The following CPS1 variants were observed in gnomAD, a reference collection of about 807,000 sequenced individuals.
The protein encoded by CPS1 is carbamoyl-phosphate synthase [ammonia], mitochondrial.
A neutral mutation model predicts 174.6 loss-of-function variants in CPS1; 109 were observed. That is an observed-to-expected ratio of 0.62 (90% CI 0.53 to 0.73). CPS1 has a LOEUF of 0.73. Among genes scored for constraint, CPS1 ranks in the 30% least tolerant of loss-of-function variants. The pLI is 0.00. For synonymous variants in CPS1, 637 were observed against 632.0 expected (o/e 1.01, Z -0.12); for missense variants, 1,689 against 1,821.9 (o/e 0.93, Z 1.33).
chr2:210,576,370 T>C lies in CPS1; in HGVS notation c.261T>C (p.Pro87=). ...LGGYPEAITD[P]AYKGQILTMA... ...GGTACCCAGAAGCTATTACTGACCC[T>C]GCCTACAAAGGACAGATTCTCACAA... The change falls in exon 3 of 38, where the codon CCT becomes CCC. Residue 87 remains proline, a synonymous_variant. Transcript: ENST00000233072. 6 of 1,613,724 alleles carry C rather than the reference T, an allele frequency of 3.7e-6. No individual in the cohort carries two copies. The highest frequency in any genetic ancestry group is 5.1e-6 in the Non-Finnish European group (6 of 1,179,696).
chr2:210,594,741 T>C, intron 12 of CPS1, 135 bp downstream of exon 12: 1 of 686,700 alleles, frequency 1.5e-6, no homozygotes, highest in Admixed American at 2.3e-5. Flanking sequence ...TAGACTGTCA[T>C]TTTGTAACTA....
rs767885257 is a variant in CPS1, at chr2:210,640,008, A to G, written c.2908A>G (p.Asn970Asp). The G allele has an allele frequency of 1.6e-5, 26 of 1,610,890 alleles. No individual in the cohort carries two copies. In the South Asian group the frequency reaches 2.9e-4, roughly 18 times the overall value. The change falls in exon 24 of 38, where the codon AAT becomes GAT. Residue 970 changes from asparagine to aspartate, a missense_variant. Asn to Asp is a conservative substitution (Grantham distance 23). Coordinates refer to ENST00000233072, the MANE Select transcript of CPS1 (RefSeq NM_001875.5). ...CTTATTTCCTCAGGAGCATGATGTC[A>G]ATTTTGATGACCATGGAATGATGGT... ...VTYNGQEHDV[N>D]FDDHGMMVLG...
chr2:210,560,149 A>T (rs910686181), intron 1 of CPS1, among the ~76,000 whole-genome samples: 4 of 152,112 alleles, frequency 2.6e-5, no homozygotes, highest in African/African-American at 9.7e-5. Flanking sequence ...AAATGAAGCA[A>T]ATAATCTTTT....
intron 8 of CPS1, among the ~76,000 whole-genome samples, chr2:210,590,478 G>A (rs1698256794): frequency 6.6e-6 from 1 of 151,914 alleles, no homozygotes; most frequent in Non-Finnish European, 1.5e-5. Flanking sequence ...TAAAAGAACT[G>A]GAGTCCAATG....
intron 5 of CPS1, among the ~76,000 whole-genome samples, chr2:210,582,276 T>G (rs1485119435): frequency 6.6e-6 from 1 of 152,140 alleles, no homozygotes; most frequent in Non-Finnish European, 1.5e-5. Flanking sequence ...TGAAATGTCT[T>G]TAGGTCATAT....
chr2:210,554,082 C>CAT (rs202041110), upstream of CPS1, among the ~76,000 whole-genome samples: 928 of 145,782 alleles, frequency 6.4e-3, 9 homozygotes, highest in African/African-American at 0.022. Context: ...TATATACATA[C>CAT]ATATGTATAT....
intron 1 of CPS1, among the ~76,000 whole-genome samples, chr2:210,532,627 T>C (rs1696145491): frequency 6.6e-6 from 1 of 152,198 alleles, no homozygotes; most frequent in East Asian, 1.9e-4. Flanking sequence ...TGTAGTGGTA[T>C]ATGTCCCAAT....
intron 21 of CPS1, chr2:210,618,280 A>G (rs1218147732): frequency 1.3e-5 from 2 of 152,042 alleles, no homozygotes; most frequent in African/African-American, 4.8e-5. Context: ...GTAAATAGGG[A>G]TATTTTCTAT....
intron 1 of CPS1, among the ~76,000 whole-genome samples, chr2:210,521,541 A>G (rs1340551244): frequency 2.0e-5 from 3 of 151,776 alleles, no homozygotes; most frequent in African/African-American, 7.3e-5. Flanking sequence ...TTCATGTTTC[A>G]TTTTACAGAG....
intron 1 of CPS1, among the ~76,000 whole-genome samples, chr2:210,522,587 A>G (rs1282508173): frequency 6.6e-6 from 1 of 151,974 alleles, no homozygotes; most frequent in Non-Finnish European, 1.5e-5. Context: ...GCTTCTGTCA[A>G]CCAGATGGTG....
intron 1 of CPS1, among the ~76,000 whole-genome samples, chr2:210,551,340 A>G (rs996713628): frequency 6.6e-6 from 1 of 151,998 alleles, no homozygotes; most frequent in African/African-American, 2.4e-5. Context: ...TACATTGGCA[A>G]TAACTCATTT....
chr2:210,578,209 A>C (rs918662332), intron 4 of CPS1, among the ~76,000 whole-genome samples: 2 of 152,004 alleles, frequency 1.3e-5, no homozygotes, highest in African/African-American at 2.4e-5. Flanking sequence ...CCAGGGTTCA[A>C]GCTATTCACC....
intron 21 of CPS1, 22 bp downstream of exon 21, chr2:210,616,563 T>C: frequency 7.2e-7 from 1 of 1,396,662 alleles, no homozygotes; most frequent in Non-Finnish European, 1.0e-6. Context: ...CTGCTCTCAT[T>C]CATGCCAGAC....
At chr2:210,632,983 G>A (rs1054056409) in intron 21 of CPS1, among the ~76,000 whole-genome samples, 8 of 152,104 alleles carry the variant, frequency 5.3e-5, no homozygotes, top group African/African-American at 1.9e-4. Flanking sequence ...GCAGTTTTTG[G>A]CTCACCAAGA....
intron 20 of CPS1, among the ~76,000 whole-genome samples, chr2:210,613,744 A>G (rs1699209326): frequency 6.6e-6 from 1 of 151,948 alleles, no homozygotes; most frequent in South Asian, 2.1e-4. Flanking sequence ...TTTCTAACAG[A>G]CTTATAAAAG....
intron 1 of CPS1, among the ~76,000 whole-genome samples, chr2:210,520,241 A>G (rs1478318286): frequency 6.6e-6 from 1 of 152,030 alleles, no homozygotes; most frequent in Non-Finnish European, 1.5e-5. Flanking sequence ...GCATATGTAT[A>G]CATCTGTGAA....
At chr2:210,523,299 G>A (rs887978717) in intron 1 of CPS1, among the ~76,000 whole-genome samples, 11 of 151,992 alleles carry the variant, frequency 7.2e-5, no homozygotes, top group Non-Finnish European at 1.0e-4. Context: ...ACAACTTTGG[G>A]GGATACTGGA....
At chr2:210,495,470 A>G (rs1016909884) in intron 1 of CPS1, among the ~76,000 whole-genome samples, 3 of 152,214 alleles carry the variant, frequency 2.0e-5, no homozygotes, top group African/African-American at 7.2e-5. Flanking sequence ...AATGCAAAAA[A>G]TCCACAATGA....
At chr2:210,608,242 A>G (rs1698989350) in intron 18 of CPS1, 119 bp from the exon 19 acceptor site, 2 of 859,786 alleles carry the variant, frequency 2.3e-6, no homozygotes, top group Non-Finnish European at 1.9e-6. Flanking sequence ...CAGAGAATCA[A>G]GTGTCTTATA....
Sources: gnomAD v4.1 joint callset for allele counts (sites outside exome capture counted in the v4.1 genomes callset) on GRCh38, gnomAD v4.1.1 for gene constraint, MANE v1.5 for transcripts, NCBI Gene and HGNC (gene_info 2026-07-23, HGNC 2026-07-21) for gene names.